Variants in DLGAP1 observed in about 807,000 individuals in gnomAD.
DLGAP1 encodes disks large-associated protein 1.
In DLGAP1, 11 loss-of-function variants were observed where a neutral mutation model predicts 90.8. The observed-to-expected ratio is 0.12, with a 90% CI of 0.08 to 0.20. The LOEUF (loss-of-function observed/expected upper bound fraction) is 0.20, where lower values mean the gene tolerates loss of function less well. Among genes scored for constraint, DLGAP1 ranks in the 10% least tolerant of loss-of-function variants. The probability of loss-of-function intolerance (pLI) is 1.00; values close to 1 mark genes in which losing one functional copy is unlikely to be tolerated. For synonymous variants in DLGAP1, 558 were observed against 540.7 expected, an observed-to-expected ratio of 1.03 and a Z score of -0.44; for missense variants, 1,050 against 1,333.8, an observed-to-expected ratio of 0.79 and a Z score of 3.31.
At position 3,603,580 on chromosome 18, in the gene DLGAP1, T is replaced by C. The variant is rs1383267436; in HGVS notation, c.1592-21332A>G. The C allele has an allele frequency of 2.0e-5, 3 of 152,806 alleles. No individual in the cohort carries two copies. The Admixed American group carries it at 2.0e-4, about 10-fold the overall frequency. The allele number at this position is 152,806 out of a possible 1,614,324, so 9.5% of individuals were successfully genotyped here. ...CTTCTTAGGAGCCTTCCTTTCTAAA[T>C]GTAAATGACTGAGTCATTGCTTTGC... On this transcript the variant is annotated intron_variant, in intron 7 of 12. Coordinates refer to ENST00000315677, the MANE Select transcript of DLGAP1 (RefSeq NM_004746.4).
chr18:3,546,394 G>A (rs1206223611), intron 9 of DLGAP1, among the ~76,000 whole-genome samples: 1 of 143,254 alleles, frequency 7.0e-6, no homozygotes, highest in East Asian at 2.1e-4. Flanking sequence ...CAGCCTTGGT[G>A]ACAGTGCCAA....
rs964879810 is a variant in DLGAP1 at position 4,455,226 on chromosome 18, G to C, written c.-487C>G. The C allele has an allele frequency of 1.3e-5, 2 of 151,682 alleles. No individual in the cohort carries two copies. The highest frequency in any genetic ancestry group is 4.8e-5 in the African/African-American group (2 of 41,414). 9.4% of individuals were successfully genotyped at this position (151,682 alleles called of 1,614,324 possible). On this transcript the variant is annotated 5_prime_UTR_variant, in exon 1 of 13. Transcript: ENST00000315677. ...TCCGCGAGGCCGTGTCCTGGAGATT[G>C]CGGCGCCCGAAGCGCAGCGCTCGCC...
At chr18:3,602,407 AAG>A (rs1297143166) in intron 7 of DLGAP1, among the ~76,000 whole-genome samples, 4 of 152,002 alleles carry the variant, frequency 2.6e-5, no homozygotes, top group African/African-American at 9.7e-5. Flanking sequence ...CATCCTGGCT[AAG>A]ACAGTGAAAC....
intron 1 of DLGAP1, among the ~76,000 whole-genome samples, chr18:4,212,071 T>C (rs910520622): frequency 6.6e-6 from 1 of 152,184 alleles, no homozygotes; most frequent in African/African-American, 2.4e-5. Context: ...GAAACAGGTA[T>C]TCCCAATAGA....
Position 3,616,513 on chromosome 18 carries a change from G to C in DLGAP1, c.1592-34265C>G, listed in dbSNP as rs534971408. The stretch of plus-strand genomic sequence containing the variant: ...ACCTATAATCCCAGCACTTTGGGAG[G>C]CTGAGGTGGGAGGATCCCTTGAGCC... On this transcript the variant is annotated intron_variant, in intron 7 of 12. Coordinates refer to ENST00000315677, the MANE Select transcript of DLGAP1 (RefSeq NM_004746.4). 1.2e-3 allele frequency among the ~76,000 whole-genome samples: 177 copies of C among 152,096 alleles called. 1 individual carries two copies. Among genetic ancestry groups the C allele is most frequent in the Non-Finnish European group, 2.0e-3 (138 of 67,988 alleles).
intron 1 of DLGAP1, among the ~76,000 whole-genome samples, chr18:4,169,590 T>C (rs564210502): frequency 6.6e-6 from 1 of 152,340 alleles, no homozygotes; most frequent in East Asian, 1.9e-4. Flanking sequence ...AATGCTCCGA[T>C]CTCAACCATC....
intron 1 of DLGAP1, among the ~76,000 whole-genome samples, chr18:4,292,598 G>A (rs1249570102): frequency 6.6e-6 from 1 of 151,956 alleles, no homozygotes. Context: ...TACAAAGATT[G>A]CTCTTTAATT....
chr18:3,707,026 A>G (rs1285110599), intron 7 of DLGAP1, among the ~76,000 whole-genome samples: 2 of 152,248 alleles, frequency 1.3e-5, no homozygotes, highest in Non-Finnish European at 2.9e-5. Context: ...AGTATTACGC[A>G]TGCAATTGTG....
In DLGAP1 at chr18:3,879,406, C is replaced by T. The variant is rs2071088264; in HGVS notation, c.663G>A (p.Val221=). The T allele has an allele frequency of 6.2e-7, 1 of 1,612,226 alleles. No individual in the cohort carries two copies. The part of the protein sequence containing the change: ...DMCIYHAPSG[V]MTMGRCPDRS... ...GGTCGGGGCACCTGCCCATGGTCAT[C>T]ACGCCCGAGGGGGCGTGGTAGATGC... Residue 221 remains valine (V), a synonymous_variant, in exon 4 of 13, where the codon GTG becomes GTA. Coordinates refer to ENST00000315677, the MANE Select transcript of DLGAP1 (RefSeq NM_004746.4). This position sits in a 1 kb window ranked among gnomAD's most constrained non-coding sequence, Gnocchi z 6.6.
chr18:3,946,489 A>G (rs2072881132), intron 3 of DLGAP1, among the ~76,000 whole-genome samples: 1 of 152,246 alleles, frequency 6.6e-6, no homozygotes, highest in African/African-American at 2.4e-5. Context: ...GTCATTTTCC[A>G]AGGCAAATCA....
At chr18:4,035,353 CA>C (rs1204609949) in intron 2 of DLGAP1, among the ~76,000 whole-genome samples, 3 of 151,872 alleles carry the variant, frequency 2.0e-5, no homozygotes, top group African/African-American at 7.3e-5. Flanking sequence ...TCTCAAAAAA[CA>C]AAAACAACAA....
In DLGAP1 at chr18:3,883,268, A is replaced by T. The variant is rs1460146946; in HGVS notation, c.-72-3128T>A. Among the ~76,000 whole-genome samples the T allele has an allele frequency of 2.6e-5, 4 of 152,258 alleles. No homozygotes were observed. The East Asian group carries it at 7.7e-4, about 29-fold the overall frequency. Reference sequence around the variant, plus strand: ...CAAAACAAACAAACAAACAAACAAAAACAAACAAACATATAAAACACCCAC... The same window carrying T: ...CAAAACAAACAAACAAACAAACAAATACAAACAAACATATAAAACACCCAC... On this transcript the variant is annotated intron_variant, in intron 3 of 12. Coordinates refer to ENST00000315677, the MANE Select transcript of DLGAP1 (RefSeq NM_004746.4).
intron 7 of DLGAP1, among the ~76,000 whole-genome samples, chr18:3,681,148 C>T (rs1246624892): frequency 6.6e-6 from 1 of 152,194 alleles, no homozygotes; most frequent in Non-Finnish European, 1.5e-5. Flanking sequence ...TAGAGTGGGG[C>T]TATGAATTGG....
In DLGAP1 at chr18:3,582,069, C is replaced by T. The variant is rs2055555992; in HGVS notation, c.1771G>A (p.Glu591Lys). The change falls in exon 8 of 13, where the codon GAG becomes AAG. Residue 591 changes from glutamate (E) to lysine (K), a missense_variant. Physicochemically the swap from Glu to Lys is moderately conservative, Grantham distance 56. Around this residue, in one of 2 missense-constraint regions of DLGAP1, gnomAD observed 565 missense variants for 879.7 expected, o/e 0.64. Coordinates refer to ENST00000315677, the MANE Select transcript of DLGAP1 (RefSeq NM_004746.4). ...AGAGCCTTCATACTGTCCAGGCTCT[C>T]GGTGGAGTTGCTGAGTCCAGACTGG... ...ISQSGLSNST[E>K]SLDSMKALTA... 6.2e-7 allele frequency: 1 copy of T among 1,613,838 alleles called. No individual in the cohort carries two copies. Among genetic ancestry groups the T allele is most frequent in the South Asian group, 1.1e-5 (1 of 91,066 alleles).
At chr18:3,558,562 T>TTTCAAAATTTTA (rs1730379179) in intron 9 of DLGAP1, among the ~76,000 whole-genome samples, 1 of 152,162 alleles carries the variant, frequency 6.6e-6, no homozygotes, top group South Asian at 2.1e-4. Context: ...ACTCTGTTGG[T>TTTCAAAATTTTA]AGGTGCATAC....
chr18:3,767,643 T>C (rs1429591777), intron 5 of DLGAP1, among the ~76,000 whole-genome samples: 1 of 152,072 alleles, frequency 6.6e-6, no homozygotes, highest in East Asian at 1.9e-4. Context: ...AATCTATTGA[T>C]ACCATATTAA....
rs1401199645 is a variant in DLGAP1 at position 4,378,441 on chromosome 18, G to A, written c.-267+76565C>T. On this transcript the variant is annotated intron_variant, in intron 1 of 12. Coordinates refer to ENST00000315677, the MANE Select transcript of DLGAP1 (RefSeq NM_004746.4). This position sits in a 1 kb window ranked among gnomAD's most constrained non-coding sequence, Gnocchi z 4.5. ...TTAAACATCTAAAGAGTATGGTCAGGAAATAGAATTAACACTCAAATTGAG... is the reference window on the plus strand; with the variant it reads ...TTAAACATCTAAAGAGTATGGTCAGAAAATAGAATTAACACTCAAATTGAG... Among the ~76,000 whole-genome samples, 1 of 152,056 alleles carries A rather than the reference G, an allele frequency of 6.6e-6. No individual in the cohort carries two copies. Among genetic ancestry groups the A allele is most frequent in the African/African-American group, 2.4e-5 (1 of 41,424 alleles).
chr18:3,988,301 C>G (rs1015174675), intron 3 of DLGAP1, among the ~76,000 whole-genome samples: 1 of 152,136 alleles, frequency 6.6e-6, no homozygotes, highest in Non-Finnish European at 1.5e-5. Flanking sequence ...TGAAGTACCT[C>G]AACTCACTTG....
intron 1 of DLGAP1, among the ~76,000 whole-genome samples, chr18:4,305,399 T>C (rs1160493143): frequency 6.6e-6 from 1 of 151,706 alleles, no homozygotes. Context: ...CTGGGTGTGG[T>C]GGCACGCGCC....
Sources: allele counts gnomAD v4.1 joint callset (sites outside exome capture counted in the v4.1 genomes callset), GRCh38; gene constraint gnomAD v4.1.1; regional missense constraint gnomAD v4.1.1; non-coding constraint Gnocchi (gnomAD v3.1); transcripts MANE v1.5; gene names NCBI Gene and HGNC (gene_info 2026-07-23, HGNC 2026-07-21).